Variants in LMTK2 observed in about 807,000 individuals in gnomAD.
The protein encoded by LMTK2 is lemur tail kinase 2.
In LMTK2, 37 loss-of-function variants were observed where a neutral mutation model predicts 127.5. The ratio of observed to expected loss-of-function variants is 0.29; its 90% confidence interval spans 0.22 to 0.38. LMTK2 has a LOEUF of 0.38. Among genes scored for constraint, LMTK2 ranks in the 10% least tolerant of loss-of-function variants. LMTK2 has a pLI of 1.00. For synonymous variants in LMTK2, 819 were observed against 810.1 expected (o/e 1.01, Z -0.19); for missense variants, 1,694 against 1,920.3 (o/e 0.88, Z 2.20).
intron 1 of LMTK2, among the ~76,000 whole-genome samples, chr7:98,126,160 A>C (rs1336414435): frequency 6.6e-6 from 1 of 152,204 alleles, no homozygotes; most frequent in Non-Finnish European, 1.5e-5. Context: ...ATGGGAAGTA[A>C]GGAGCAGACA....
chr7:98,110,345 G>A (rs1796184150), intron 1 of LMTK2, among the ~76,000 whole-genome samples: 1 of 152,076 alleles, frequency 6.6e-6, no homozygotes, highest in Non-Finnish European at 1.5e-5. Context: ...ACTTTATTTT[G>A]GGCCTCTTCT....
intron 6 of LMTK2, among the ~76,000 whole-genome samples, chr7:98,167,908 G>A (rs1272420792): frequency 6.6e-6 from 1 of 152,118 alleles, no homozygotes; most frequent in African/African-American, 2.4e-5. Flanking sequence ...AGGAGGTTGC[G>A]GTGCCCGAAG....
At chr7:98,191,208 A>G (rs1300631769) in intron 10 of LMTK2, among the ~76,000 whole-genome samples, 1 of 152,074 alleles carries the variant, frequency 6.6e-6, no homozygotes, top group African/African-American at 2.4e-5. Context: ...TCAGCCTCCC[A>G]TTGCCCCAGG....
chr7:98,152,154 C>A (rs183086397), intron 4 of LMTK2, among the ~76,000 whole-genome samples: 1 of 152,176 alleles, frequency 6.6e-6, no homozygotes, highest in Non-Finnish European at 1.5e-5. Flanking sequence ...TACAGTCTTA[C>A]AATGAAGACC....
chr7:98,184,535 G>C lies in LMTK2; in HGVS notation c.792-516G>C, dbSNP rs146865086. Among the ~76,000 whole-genome samples the C allele has an allele frequency of 6.5e-4, 99 of 151,624 alleles. No homozygotes were observed. The East Asian group carries it at 0.019, about 30-fold the overall frequency. On this transcript the variant is annotated intron_variant, in intron 7 of 13. Coordinates refer to ENST00000297293, the MANE Select transcript of LMTK2 (RefSeq NM_014916.4). ...CCTATGAGCTGAAAGCCTCCACTTAGAGTGTTTGAGTTGTTCTGCCTTTTT... is the reference window on the plus strand; with the variant it reads ...CCTATGAGCTGAAAGCCTCCACTTACAGTGTTTGAGTTGTTCTGCCTTTTT...
intron 6 of LMTK2, among the ~76,000 whole-genome samples, chr7:98,160,381 G>C (rs1797000156): frequency 6.6e-6 from 1 of 152,164 alleles, no homozygotes; most frequent in Non-Finnish European, 1.5e-5. Context: ...TAATAAACTT[G>C]ATAACATTAG....
intron 7 of LMTK2, among the ~76,000 whole-genome samples, chr7:98,174,448 T>C (rs534367619): frequency 8.1e-4 from 123 of 152,314 alleles, no homozygotes; most frequent in Non-Finnish European, 7.6e-4. Flanking sequence ...TGGAAAGCCA[T>C]GTAAACAGCA....
intron 10 of LMTK2, 41 bp downstream of exon 10, chr7:98,190,918 C>T: frequency 6.3e-7 from 1 of 1,588,638 alleles, no homozygotes; most frequent in Non-Finnish European, 8.6e-7. Context: ...TTCGTCTTCA[C>T]TGTGAGGTGT....
At chr7:98,124,785 T>TA (rs141020575) in intron 1 of LMTK2, among the ~76,000 whole-genome samples, 56,267 of 149,752 alleles carry the variant, frequency 0.38, 13,201 homozygotes, top group Middle Eastern at 0.61. Flanking sequence ...ACTGTGTCTC[T>TA]AAAAAAAAAA....
chr7:98,121,142 G>A (rs1341458997), intron 1 of LMTK2, among the ~76,000 whole-genome samples: 2 of 152,106 alleles, frequency 1.3e-5, no homozygotes, highest in African/African-American at 2.4e-5. Flanking sequence ...CAGGCCACCC[G>A]TTCACCCTGG....
intron 9 of LMTK2, among the ~76,000 whole-genome samples, chr7:98,187,581 TA>T (rs1797456161): frequency 1.3e-5 from 2 of 151,546 alleles, no homozygotes; most frequent in African/African-American, 4.8e-5. Flanking sequence ...GGTACAGTGA[TA>T]TATATATATG....
chr7:98,141,571 T>C, intron 3 of LMTK2, 30 bp downstream of exon 3: 1 of 1,600,888 alleles, frequency 6.2e-7, no homozygotes, highest in Non-Finnish European at 8.5e-7. Context: ...TGCCACGTTT[T>C]CATGAATTGT....
rs1797587021 is a variant in LMTK2, at chr7:98,194,100, G to T, written c.3635G>T (p.Gly1212Val). ...GTGCTGAATGCAGAACTTAGCAGCG[G>T]CGATGACTTCGAGACACAGGACGAT... is the stretch of plus-strand genomic sequence containing the variant. ...WSVLNAELSS[G>V]DDFETQDDRP... The change falls in exon 11 of 14, where the codon GGC (glycine) becomes GTC (valine). Residue 1212 changes from glycine to valine, a missense_variant. Physicochemically the swap from Gly to Val is moderately radical, Grantham distance 109. Coordinates refer to ENST00000297293, the MANE Select transcript of LMTK2 (RefSeq NM_014916.4). The surrounding 1 kb of genome is among the most constrained non-coding windows in gnomAD (Gnocchi z 5.4). The T allele has an allele frequency of 6.2e-7, 1 of 1,614,014 alleles. No homozygotes were observed. Among genetic ancestry groups the T allele is most frequent in the Admixed American group, 1.7e-5 (1 of 59,998 alleles).
In LMTK2 at chr7:98,205,489, C is replaced by T. The variant is rs139107740; in HGVS notation, c.4509C>T (p.Asp1503=). The T allele has an allele frequency of 2.3e-4, 379 of 1,613,294 alleles. No individual in the cohort carries two copies. The African/African-American group carries it at 4.2e-3, about 18-fold the overall frequency. ...QGGSSEDGEK[D] is the part of the protein sequence containing the mutation. Reference sequence around the variant, plus strand: ...GAAGCAGCGAAGACGGAGAAAAGGACTAGGTGGCTGCCAACGCGCACGCTC... The same window carrying T: ...GAAGCAGCGAAGACGGAGAAAAGGATTAGGTGGCTGCCAACGCGCACGCTC... Residue 1503 remains aspartate (D), a synonymous_variant, in exon 14 of 14, where the codon GAC becomes GAT. Coordinates refer to ENST00000297293, the MANE Select transcript of LMTK2 (RefSeq NM_014916.4).
intron 7 of LMTK2, among the ~76,000 whole-genome samples, chr7:98,178,503 G>A (rs1797306708): frequency 6.6e-6 from 1 of 152,170 alleles, no homozygotes; most frequent in Admixed American, 6.5e-5. Flanking sequence ...GCCAAGCTCA[G>A]GCGACGCTGC....
intron 3 of LMTK2, among the ~76,000 whole-genome samples, chr7:98,143,890 A>G (rs538856698): frequency 1.7e-4 from 26 of 152,312 alleles, no homozygotes; most frequent in Non-Finnish European, 3.2e-4. Flanking sequence ...ATGTCTGTCA[A>G]TATGCAATTT....
intron 7 of LMTK2, among the ~76,000 whole-genome samples, chr7:98,174,710 AT>A (rs1383703628): frequency 6.6e-6 from 1 of 152,118 alleles, no homozygotes; most frequent in Non-Finnish European, 1.5e-5. Context: ...CCTCTATAGG[AT>A]TTGCCAGGTT....
At chr7:98,118,264 TAATA>T (rs1439305765) in intron 1 of LMTK2, among the ~76,000 whole-genome samples, 1 of 152,180 alleles carries the variant, frequency 6.6e-6, no homozygotes, top group African/African-American at 2.4e-5. Flanking sequence ...CTTTTTAGAG[TAATA>T]AATATATGAA....
intron 1 of LMTK2, among the ~76,000 whole-genome samples, chr7:98,107,547 T>A (rs1355967095): frequency 1.3e-5 from 2 of 152,258 alleles, no homozygotes; most frequent in Non-Finnish European, 2.9e-5. Context: ...GTGCCGGCCC[T>A]GGACCTGTTG....
Sources: gnomAD v4.1 joint callset for allele counts (sites outside exome capture counted in the v4.1 genomes callset) on GRCh38, gnomAD v4.1.1 for gene constraint, Gnocchi (gnomAD v3.1) non-coding constraint, MANE v1.5 for transcripts, NCBI Gene and HGNC (gene_info 2026-07-23, HGNC 2026-07-21) for gene names.